JARID2: variants seen among roughly 807,000 people sequenced by gnomAD.
JARID2 encodes jumonji and AT-rich interaction domain containing 2, also known as protein Jumonji.
In JARID2, 21 loss-of-function variants were observed where a neutral mutation model predicts 125.6. The ratio of observed to expected loss-of-function variants is 0.17; its 90% confidence interval spans 0.12 to 0.24. JARID2 has a LOEUF of 0.24. Ranked by LOEUF, JARID2 falls within the 10% of genes least tolerant of loss-of-function variation. The pLI is 1.00. For missense variants in JARID2, 1,303 were observed against 1,639.6 expected (o/e 0.79, Z 3.55); for synonymous variants, 736 against 661.6 (o/e 1.11, Z -1.73).
intron 3 of JARID2, among the ~76,000 whole-genome samples, chr6:15,419,462 G>C (rs983293827): frequency 6.6e-6 from 1 of 152,102 alleles, no homozygotes; most frequent in African/African-American, 2.4e-5. Flanking sequence ...TTTGTTTCTA[G>C]TATCATTTGC....
chr6:15,460,984 C>T (rs185146836), intron 4 of JARID2, among the ~76,000 whole-genome samples: 11 of 152,298 alleles, frequency 7.2e-5, no homozygotes, highest in Admixed American at 1.3e-4. Flanking sequence ...GGATTACAGG[C>T]GTGAGCCACT....
chr6:15,295,465 T>G (rs1324225787), intron 1 of JARID2, among the ~76,000 whole-genome samples: 1 of 152,140 alleles, frequency 6.6e-6, no homozygotes, highest in Non-Finnish European at 1.5e-5. Context: ...TAATAAGATT[T>G]GTGGAGTAAA....
rs552619965 is a variant in JARID2 at position 15,488,373 on chromosome 6, C to T, written c.906+831C>T. On this transcript the variant is annotated intron_variant, in intron 6 of 17. Coordinates refer to ENST00000341776, the MANE Select transcript of JARID2 (RefSeq NM_004973.4). Reference sequence around the variant, plus strand: ...GACAGGTGGCATTTCACTGATGCCTCGTGCTCCTGTTCCCCCCTCCATTTT... The same window carrying T: ...GACAGGTGGCATTTCACTGATGCCTTGTGCTCCTGTTCCCCCCTCCATTTT... Among the ~76,000 whole-genome samples the T allele has an allele frequency of 1.4e-4, 21 of 152,320 alleles. No homozygotes were observed. In the South Asian group the frequency reaches 3.9e-3, roughly 29 times the overall value.
chr6:15,447,319 G>A (rs1272628446), intron 3 of JARID2, among the ~76,000 whole-genome samples: 2 of 152,070 alleles, frequency 1.3e-5, no homozygotes, highest in Non-Finnish European at 2.9e-5. Flanking sequence ...GACATAAAGG[G>A]TACATGTGGA....
At chr6:15,406,439 G>GA (rs1765653865) in intron 2 of JARID2, among the ~76,000 whole-genome samples, 1 of 152,126 alleles carries the variant, frequency 6.6e-6, no homozygotes, top group Non-Finnish European at 1.5e-5. Flanking sequence ...TCTCAAGGTC[G>GA]GGGGAGAGGG....
chr6:15,410,084 C>A, intron 2 of JARID2, 140 bp from the exon 3 acceptor site: 2 of 714,910 alleles, frequency 2.8e-6, no homozygotes, highest in East Asian at 2.7e-5. Context: ...TCCACCCATT[C>A]AAAAGGGATG....
intron 2 of JARID2, among the ~76,000 whole-genome samples, chr6:15,399,972 C>A (rs1367127638): frequency 6.6e-6 from 1 of 152,264 alleles, no homozygotes; most frequent in East Asian, 1.9e-4. Context: ...CTTTAAAAAT[C>A]AAAAAGCTAT....
At chr6:15,388,723 A>G (rs1764885420) in intron 2 of JARID2, among the ~76,000 whole-genome samples, 1 of 152,046 alleles carries the variant, frequency 6.6e-6, no homozygotes, top group Non-Finnish European at 1.5e-5. Flanking sequence ...TGCCATTGAC[A>G]TCCAAGGAGA....
intron 1 of JARID2, among the ~76,000 whole-genome samples, chr6:15,367,419 TCCC>T (rs1764018905): frequency 6.6e-6 from 1 of 152,160 alleles, no homozygotes; most frequent in South Asian, 2.1e-4. Context: ...CCCACTTCTA[TCCC>T]CACTACTAAT....
chr6:15,288,868 C>A (rs566089438), intron 1 of JARID2, among the ~76,000 whole-genome samples: 1 of 152,146 alleles, frequency 6.6e-6, no homozygotes, highest in Non-Finnish European at 1.5e-5. Flanking sequence ...TGCCTCCTGG[C>A]GAGGTGAAGA....
Position 15,284,444 on chromosome 6 carries a change from C to T in JARID2, c.45+37860C>T, listed in dbSNP as rs112180667. On this transcript the variant is annotated intron_variant, in intron 1 of 17. Coordinates refer to ENST00000341776, the MANE Select transcript of JARID2 (RefSeq NM_004973.4). ...TAGGAAACAGCTCTGGGCTATACTC[C>T]AGAGTTCCCAGACTCAGGATCCACT... is the stretch of plus-strand genomic sequence containing the variant. Among the ~76,000 whole-genome samples, 436 of 152,112 alleles carry T rather than the reference C, an allele frequency of 2.9e-3. 2 individuals carry two copies. The highest frequency in any genetic ancestry group is 0.01 in the African/African-American group (424 of 41,496).
At chr6:15,327,300 G>A (rs934244798) in intron 1 of JARID2, among the ~76,000 whole-genome samples, 1 of 152,098 alleles carries the variant, frequency 6.6e-6, no homozygotes, top group Non-Finnish European at 1.5e-5. Context: ...TTGGAGTGCA[G>A]TGGTGCTATC....
intron 1 of JARID2, among the ~76,000 whole-genome samples, chr6:15,367,742 A>G (rs983392740): frequency 1.7e-4 from 26 of 152,222 alleles, no homozygotes; most frequent in African/African-American, 6.0e-4. Context: ...AGGAAGGCTG[A>G]GCAGAGAAAT....
intron 3 of JARID2, among the ~76,000 whole-genome samples, chr6:15,414,134 G>A (rs1019477435): frequency 4.6e-5 from 7 of 152,150 alleles, no homozygotes; most frequent in Non-Finnish European, 8.8e-5. Context: ...GATGGGGAAA[G>A]GGGAAGACTG....
intron 3 of JARID2, among the ~76,000 whole-genome samples, chr6:15,430,632 G>C (rs534462133): frequency 6.6e-6 from 1 of 152,320 alleles, no homozygotes; most frequent in East Asian, 1.9e-4. Context: ...CGGGTGTAGT[G>C]AGATGTCCAT....
chr6:15,461,087 A>C (rs1033014337), intron 4 of JARID2, among the ~76,000 whole-genome samples: 2 of 152,180 alleles, frequency 1.3e-5, no homozygotes, highest in African/African-American at 4.8e-5. Flanking sequence ...GGCTGCTGCT[A>C]TGTGGTATGA....
At chr6:15,449,934 A>G (rs754627057) in intron 3 of JARID2, among the ~76,000 whole-genome samples, 3 of 152,146 alleles carry the variant, frequency 2.0e-5, no homozygotes, top group East Asian at 1.9e-4. Flanking sequence ...AGTACTTTAT[A>G]TTTCGGGAGT....
intron 8 of JARID2, among the ~76,000 whole-genome samples, chr6:15,502,994 T>G (rs1561910531): frequency 1.3e-5 from 2 of 152,282 alleles, no homozygotes; most frequent in Admixed American, 1.3e-4. Flanking sequence ...TCAACGTTTT[T>G]ACTTTTTACT....
intron 4 of JARID2, among the ~76,000 whole-genome samples, chr6:15,462,520 C>T (rs1768499987): frequency 6.6e-6 from 1 of 152,236 alleles, no homozygotes; most frequent in Admixed American, 6.5e-5. Flanking sequence ...TGACTTCTTT[C>T]ATCTTCTATC....
Sources: gnomAD v4.1 joint callset for allele counts (sites outside exome capture counted in the v4.1 genomes callset) on GRCh38, gnomAD v4.1.1 for gene constraint, MANE v1.5 for transcripts, NCBI Gene and HGNC (gene_info 2026-07-23, HGNC 2026-07-21) for gene names.